DUSP4: variants seen among roughly 807,000 people sequenced by gnomAD.
DUSP4 encodes the protein dual specificity protein phosphatase 4.
DUSP4 carries 12 observed loss-of-function variants against 27.2 expected under a neutral mutation model. That is an observed-to-expected ratio of 0.44 (90% CI 0.28 to 0.71). DUSP4 has a LOEUF of 0.71. Among genes scored for constraint, DUSP4 ranks in the 30% least tolerant of loss-of-function variants. The probability of loss-of-function intolerance (pLI) is 0.14; values close to 1 mark genes in which losing one functional copy is unlikely to be tolerated. For missense variants in DUSP4, 448 were observed against 551.3 expected (o/e 0.81, Z 1.88); for synonymous variants, 257 against 245.2 (o/e 1.05, Z -0.45).
At chr8:29,345,803 TGG>T (rs1817725138) in intron 1 of DUSP4, 2 of 1,218,468 alleles carry the variant, frequency 1.6e-6, no homozygotes, top group Non-Finnish European at 2.0e-6. Context: ...TTTTGTTAGT[TGG>T]AGACATCCAA....
At position 29,338,455 on chromosome 8, in the gene DUSP4, T is replaced by C; in HGVS notation, c.626A>G (p.Tyr209Cys). The change falls in exon 3 of 4, where the codon TAC becomes TGC. Residue 209 changes from tyrosine to cysteine, a missense_variant. Transcript: ENST00000240100. ...CAGCATGTCTCTCCGGGCAGCATGG[T>C]AGGCACTGCCGAGGTAGAGGAAGGG... ...ILPFLYLGSA[Y>C]HAARRDMLDA... 1 of 1,614,032 alleles carries C rather than the reference T, an allele frequency of 6.2e-7. No homozygotes were observed. The highest frequency in any genetic ancestry group is 8.5e-7 in the Non-Finnish European group (1 of 1,179,996).
chr8:29,348,834 C>G, intron 1 of DUSP4: 14 of 984,288 alleles, frequency 1.4e-5, no homozygotes, highest in Non-Finnish European at 1.6e-5. Context: ...CAGACCCTAC[C>G]CGCGCGGAAG....
At chr8:29,346,026 A>G in intron 1 of DUSP4, 1 of 985,466 alleles carries the variant, frequency 1.0e-6, no homozygotes, top group Non-Finnish European at 1.2e-6. Flanking sequence ...GTGCTGTTTG[A>G]TGCCATTGCC....
intron 1 of DUSP4, among the ~76,000 whole-genome samples, chr8:29,342,800 C>T (rs770952812): frequency 1.3e-5 from 2 of 152,142 alleles, no homozygotes; most frequent in Non-Finnish European, 2.9e-5. Flanking sequence ...GGAAAAGGCA[C>T]CATTAGAAGG....
At chr8:29,348,785 G>C (rs779714215) in intron 1 of DUSP4, 427 of 985,120 alleles carry the variant, frequency 4.3e-4, no homozygotes, top group Non-Finnish European at 4.9e-4. Flanking sequence ...TCTTTGATGG[G>C]TGTGGGGGGG....
intron 1 of DUSP4, chr8:29,345,714 G>T: frequency 7.2e-7 from 1 of 1,383,504 alleles, no homozygotes; most frequent in Non-Finnish European, 9.3e-7. Context: ...TAAGCACCCA[G>T]GATAAGCCCA....
intron 1 of DUSP4, chr8:29,348,899 G>A (rs1181943968): frequency 5.7e-6 from 3 of 523,510 alleles, no homozygotes; most frequent in Admixed American, 1.3e-4. Flanking sequence ...GGGGGCGCCC[G>A]GACCCCACGC....
Position 29,338,434 on chromosome 8 carries a change from A to G in DUSP4, c.647T>C (p.Met216Thr), listed in dbSNP as rs943786272. 3 of 1,614,138 alleles carry G rather than the reference A, an allele frequency of 1.9e-6. No homozygotes were observed. Residue 216 changes from methionine to threonine, a missense_variant, in exon 3 of 4, where the codon ATG (methionine) becomes ACG (threonine). Met to Thr is a moderately conservative substitution (Grantham distance 81). This residue lies in a region of DUSP4 where 345 missense variants were observed against 394.0 expected (regional missense o/e 0.88). Transcript: ENST00000240100. ...AGCCGTGATGCCCAGGGCGTCCAGC[A>G]TGTCTCTCCGGGCAGCATGGTAGGC... ...GSAYHAARRD[M>T]LDALGITALL...
rs1817684331 is a variant in DUSP4 at position 29,343,433 on chromosome 8, C to T, written c.434-3190G>A. 2.0e-5 allele frequency among the ~76,000 whole-genome samples: 3 copies of T among 152,128 alleles called. No homozygotes were observed. The South Asian group carries it at 6.2e-4, about 32-fold the overall frequency. On this transcript the variant is annotated intron_variant, in intron 1 of 3. Coordinates refer to ENST00000240100, the MANE Select transcript of DUSP4 (RefSeq NM_001394.7). Reference sequence around the variant, plus strand: ...ATGCGGGAGGATGCATGCAAGTTAGCATTTATCCATCGGTGGAAGAAGCTG... The same window carrying T: ...ATGCGGGAGGATGCATGCAAGTTAGTATTTATCCATCGGTGGAAGAAGCTG...
At chr8:29,339,829 C>G (rs1221381021) in intron 2 of DUSP4, among the ~76,000 whole-genome samples, 1 of 64,660 alleles carries the variant, frequency 1.5e-5, no homozygotes, top group African/African-American at 5.9e-5. Flanking sequence ...CATAGCAAGA[C>G]CCCCCCCCCC....
intron 1 of DUSP4, chr8:29,347,802 T>C (rs1340555565): frequency 6.1e-6 from 6 of 985,456 alleles, no homozygotes; most frequent in Non-Finnish European, 6.0e-6. Context: ...TAGAGGCCTG[T>C]ACTACCCAGT....
chr8:29,340,353 C>A, intron 1 of DUSP4, 110 bp from the exon 2 acceptor site: 2 of 1,397,240 alleles, frequency 1.4e-6, no homozygotes, highest in East Asian at 2.4e-5. Context: ...CAGGGGCTGG[C>A]GTGCTCCATA....
At chr8:29,349,631 C>T (rs758436457) in intron 1 of DUSP4, among the ~76,000 whole-genome samples, 1 of 152,226 alleles carries the variant, frequency 6.6e-6, no homozygotes, top group East Asian at 1.9e-4. Context: ...TGCAGGTGAC[C>T]GGAGAAACCC....
rs1255907500 is a variant in DUSP4 at position 29,338,709 on chromosome 8, A to C, written c.580-208T>G. On this transcript the variant is annotated intron_variant, in intron 2 of 3. Transcript: ENST00000240100. ...GGGACTTCTCCAGCCTTTGCCCTCT[A>C]CTTGTGAGCAGAGAGGCCAGGGCAG... Among the ~76,000 whole-genome samples, 8 of 152,106 alleles carry C rather than the reference A, an allele frequency of 5.3e-5. No homozygotes were observed. The East Asian group carries it at 1.5e-3, about 29-fold the overall frequency.
rs1346359894 is a variant in DUSP4, at chr8:29,350,213, G to T, written c.66C>A (p.Asp22Glu). Residue 22 changes from aspartate to glutamate, a missense_variant, in exon 1 of 4, where the codon GAC (aspartate) becomes GAA (glutamate). Physicochemically the swap from Asp to Glu is conservative, Grantham distance 45 (BLOSUM62 2). Around this residue, in one of 3 missense-constraint regions of DUSP4, gnomAD observed 345 missense variants for 394.0 expected, o/e 0.88. Transcript: ENST00000240100. ...TGCCGCCCGCGCCGCCGCCATTCTCGTCCCGGTTCATCAGCCTTTTGAGCA... is the reference window on the plus strand; with the variant it reads ...TGCCGCCCGCGCCGCCGCCATTCTCTTCCCGGTTCATCAGCCTTTTGAGCA... The part of the protein sequence containing the change: ...CSVLKRLMNR[D>E]ENGGGAGGSG... The T allele has an allele frequency of 6.2e-7, 1 of 1,608,616 alleles. No homozygotes were observed. Among genetic ancestry groups the T allele is most frequent in the South Asian group, 1.1e-5 (1 of 90,808 alleles).
chr8:29,338,342 C>T lies in DUSP4; in HGVS notation c.739G>A (p.Val247Met). ...ATGTCGGCCTTGTGGTTATCTTCCA[C>T]TGGGATGCACTTGTACTGATAGTGT... ...EGHYQYKCIP[V>M]EDNHKADISS... Residue 247 changes from valine (V) to methionine (M), a missense_variant, in exon 3 of 4, where the codon GTG becomes ATG. This residue lies in a region of DUSP4 where 345 missense variants were observed against 394.0 expected (regional missense o/e 0.88). Coordinates refer to ENST00000240100, the MANE Select transcript of DUSP4 (RefSeq NM_001394.7). 1 of 1,614,184 alleles carries T rather than the reference C, an allele frequency of 6.2e-7. No homozygotes were observed. Among genetic ancestry groups the T allele is most frequent in the South Asian group, 1.1e-5 (1 of 91,086 alleles).
chr8:29,348,613 C>G, intron 1 of DUSP4: 7 of 985,502 alleles, frequency 7.1e-6, no homozygotes, highest in African/African-American at 1.7e-5. Flanking sequence ...CAGGGGCGAA[C>G]CCGGCTCCTC....
intron 1 of DUSP4, chr8:29,348,573 C>G: frequency 1.0e-6 from 1 of 985,560 alleles, no homozygotes; most frequent in Non-Finnish European, 1.2e-6. Flanking sequence ...CAGGAAACAA[C>G]TGCGGGGAAC....
rs757228799 is a variant in DUSP4 at position 29,349,983 on chromosome 8, G to C, written c.296C>G (p.Ser99Cys). 3 of 1,572,736 alleles carry C rather than the reference G, an allele frequency of 1.9e-6. No homozygotes were observed. The highest frequency in any genetic ancestry group is 2.6e-6 in the Non-Finnish European group (3 of 1,164,218). ...AEEEVRARLRSGLYSAVIVYD... is the reference protein window; with the variant it reads ...AEEEVRARLRCGLYSAVIVYD... ...GACGATGACCGCCGAGTAGAGGCCG[G>C]AGCGCAAGCGGGCGCGTACCTCCTC... is the stretch of plus-strand genomic sequence containing the variant. The change falls in exon 1 of 4, where the codon TCC becomes TGC. Residue 99 changes from serine to cysteine, a missense_variant. By Grantham distance (112) the Ser-to-Cys change is moderately radical (BLOSUM62 -1). Around this residue, in one of 3 missense-constraint regions of DUSP4, gnomAD observed 345 missense variants for 394.0 expected, o/e 0.88. Coordinates refer to ENST00000240100, the MANE Select transcript of DUSP4 (RefSeq NM_001394.7).
Sources: gnomAD v4.1 joint callset for allele counts (sites outside exome capture counted in the v4.1 genomes callset) on GRCh38, gnomAD v4.1.1 for gene constraint, gnomAD v4.1.1 regional missense constraint, MANE v1.5 for transcripts, NCBI Gene and HGNC (gene_info 2026-07-23, HGNC 2026-07-21) for gene names.